The following GPM6B variants were observed in gnomAD, a reference collection of about 807,000 sequenced individuals.
The protein encoded by GPM6B is glycoprotein M6B.
A neutral mutation model predicts 27.2 loss-of-function variants in GPM6B; 4 were observed. That is an observed-to-expected ratio of 0.15 (90% CI 0.07 to 0.34). GPM6B has a LOEUF of 0.34. Ranked by LOEUF, GPM6B falls within the 10% of genes least tolerant of loss-of-function variation. The pLI is 1.00. For synonymous variants in GPM6B, 124 were observed against 103.1 expected (o/e 1.20, Z -1.23); for missense variants, 183 against 261.9 (o/e 0.70, Z 2.08).
At chrX:13,856,985 C>T (rs1304334188) in intron 1 of GPM6B, among the ~76,000 whole-genome samples, 1 of 111,696 alleles carries the variant, frequency 9.0e-6, no homozygotes, top group African/African-American at 3.3e-5. Context: ...CTACTCGCCT[C>T]TTATAATCTG....
chrX:13,852,584 C>A (rs971700993), intron 1 of GPM6B, among the ~76,000 whole-genome samples: 1 of 110,623 alleles, frequency 9.0e-6, no homozygotes. Context: ...CTGTTCTGTA[C>A]CCTGCTTTTG....
chrX:13,850,020 C>T (rs2049696800), intron 1 of GPM6B, among the ~76,000 whole-genome samples: 1 of 111,856 alleles, frequency 8.9e-6, no homozygotes, highest in African/African-American at 3.3e-5. Context: ...GATGGCATCA[C>T]TGCGCTCCAG....
Position 13,787,041 on chromosome X carries a change from C to CAAAAAAAAAAAAAAA in GPM6B, c.182-1248_182-1234dup, listed in dbSNP as rs869123073. On this transcript the variant is annotated intron_variant, in intron 2 of 7. Coordinates refer to ENST00000316715, the MANE Select transcript of GPM6B (RefSeq NM_001001995.3). ...CTTTAGGGCAAGCACATTAAGCCAG[C>CAAAAAAAAAAAAAAA]AAAAAAAAAAAAAAAAAAAAAAAAA... Among the ~76,000 whole-genome samples, 14 of 24,511 alleles carry CAAAAAAAAAAAAAAA rather than the reference C, an allele frequency of 5.7e-4. 2 individuals carry two copies. The highest frequency in any genetic ancestry group is 2.3e-3 in the African/African-American group (11 of 4,883). 21.3% of individuals were successfully genotyped at this position (24,511 alleles called of 115,157 possible).
At chrX:13,896,843 C>A (rs984606556) in intron 1 of GPM6B, among the ~76,000 whole-genome samples, 2 of 112,148 alleles carry the variant, frequency 1.8e-5, no homozygotes, top group Non-Finnish European at 3.8e-5. Context: ...GCTGGGATTA[C>A]AGGCATGAGC....
chrX:13,840,077 G>A (rs374640738), intron 1 of GPM6B, among the ~76,000 whole-genome samples: 1 of 112,151 alleles, frequency 8.9e-6, no homozygotes, highest in African/African-American at 3.2e-5. Context: ...AACACCAAAA[G>A]TACAATCCAC....
chrX:13,876,756 G>T (rs1311753097), intron 1 of GPM6B, among the ~76,000 whole-genome samples: 1 of 110,489 alleles, frequency 9.1e-6, no homozygotes, highest in African/African-American at 3.3e-5. Flanking sequence ...ACAAGAGAAT[G>T]GCTGTTCTCG....
intron 1 of GPM6B, among the ~76,000 whole-genome samples, chrX:13,811,026 G>A (rs1395820862): frequency 8.9e-6 from 1 of 112,534 alleles, no homozygotes; most frequent in Non-Finnish European, 1.9e-5. Flanking sequence ...GGCAGTCACA[G>A]GATTCCAAGA....
chrX:13,787,041 CAAAAAAAAAA>C (rs869123073), intron 2 of GPM6B, among the ~76,000 whole-genome samples: 372 of 24,509 alleles, frequency 0.015, 6 homozygotes, highest in East Asian at 0.075. Flanking sequence ...ATTAAGCCAG[CAAAAAAAAAA>C]AAAAAAAAAA....
In GPM6B at chrX:13,804,802, A is replaced by T. The variant is rs184941797; in HGVS notation, c.181+2848T>A. Among the ~76,000 whole-genome samples the T allele has an allele frequency of 6.6e-3, 359 of 54,807 alleles. 2 individuals are homozygous for T. The highest frequency in any genetic ancestry group is 0.028 in the African/African-American group (342 of 12,179). The allele number at this position is 54,807 out of a possible 115,157, so 47.6% of individuals were successfully genotyped here. On this transcript the variant is annotated intron_variant, in intron 2 of 7. Transcript: ENST00000316715. ...CTGACAACTCTGCAAAAAAATTAAT[A>T]AAAAAAAAAAGAAAAAAAAAAGAGC...
chrX:13,798,388 G>C (rs1160454405), intron 2 of GPM6B, among the ~76,000 whole-genome samples: 1 of 108,551 alleles, frequency 9.2e-6, no homozygotes, highest in African/African-American at 3.4e-5. Flanking sequence ...CTACAGTGAG[G>C]GGGAAGGAAA....
At chrX:13,910,475 G>A (rs1289490161) in intron 1 of GPM6B, among the ~76,000 whole-genome samples, 2 of 113,201 alleles carry the variant, frequency 1.8e-5, no homozygotes, top group Non-Finnish European at 3.7e-5. Flanking sequence ...TCTGAGTACT[G>A]TATCTTGGCA....
At chrX:13,910,589 C>G (rs1427932677) in intron 1 of GPM6B, among the ~76,000 whole-genome samples, 3 of 113,070 alleles carry the variant, frequency 2.7e-5, no homozygotes, top group African/African-American at 9.6e-5. Flanking sequence ...TGATTTACTT[C>G]GTCCTACAAT....
intron 1 of GPM6B, among the ~76,000 whole-genome samples, chrX:13,848,615 G>A (rs1167916066): frequency 8.9e-6 from 1 of 112,361 alleles, no homozygotes; most frequent in Non-Finnish European, 1.9e-5. Context: ...ACAAGTGTTA[G>A]TGAGGATGTG....
chrX:13,904,525 G>A (rs2050310459), intron 1 of GPM6B, among the ~76,000 whole-genome samples: 1 of 111,769 alleles, frequency 8.9e-6, no homozygotes, highest in African/African-American at 3.3e-5. Flanking sequence ...CAGATCAGGG[G>A]TTAGCAAACT....
chrX:13,920,073 G>A (rs367926840), intron 1 of GPM6B, among the ~76,000 whole-genome samples: 8 of 109,360 alleles, frequency 7.3e-5, no homozygotes, highest in East Asian at 2.8e-4. Flanking sequence ...AGACCAGCCC[G>A]GCCAACATGG....
chrX:13,810,125 G>T (rs1356139395), intron 1 of GPM6B, among the ~76,000 whole-genome samples: 2 of 109,922 alleles, frequency 1.8e-5, no homozygotes, highest in Non-Finnish European at 3.8e-5. Flanking sequence ...CTCAAAAAAA[G>T]AAAGAAAAAA....
At chrX:13,914,553 G>C (rs2050410284) in intron 1 of GPM6B, among the ~76,000 whole-genome samples, 1 of 112,552 alleles carries the variant, frequency 8.9e-6, no homozygotes, top group South Asian at 3.6e-4. Flanking sequence ...GCCACGTGTT[G>C]AGTATGATAG....
intron 1 of GPM6B, among the ~76,000 whole-genome samples, chrX:13,931,796 C>A (rs909979592): frequency 4.5e-5 from 5 of 112,068 alleles, no homozygotes; most frequent in African/African-American, 1.6e-4. Context: ...CTACTCTCTC[C>A]CATACCTACT....
chrX:13,894,460 T>C (rs142594677), intron 1 of GPM6B, among the ~76,000 whole-genome samples: 2,836 of 112,494 alleles, frequency 0.025, 95 homozygotes, highest in African/African-American at 0.088. Flanking sequence ...ATCTCTCTTA[T>C]GTGAATTTGT....
Sources: allele counts gnomAD v4.1 joint callset (sites outside exome capture counted in the v4.1 genomes callset), GRCh38; gene constraint gnomAD v4.1.1; transcripts MANE v1.5; gene names NCBI Gene and HGNC (gene_info 2026-07-23, HGNC 2026-07-21).